Variants in IGF1R observed in about 807,000 individuals in gnomAD.
IGF1R encodes insulin-like growth factor 1 receptor.
Under a neutral mutation model 144.6 loss-of-function variants are expected in IGF1R, and 44 were observed. That is an observed-to-expected ratio of 0.30 (90% CI 0.24 to 0.39). The LOEUF is 0.39. Among genes scored for constraint, IGF1R ranks in the 10% least tolerant of loss-of-function variants. The pLI is 1.00. For synonymous variants in IGF1R, 795 were observed against 722.8 expected, an observed-to-expected ratio of 1.10 and a Z score of -1.60; for missense variants, 1,355 against 1,833.7, an observed-to-expected ratio of 0.74 and a Z score of 4.77.
At chr15:98,896,704 A>G (rs2014215137) in intron 3 of IGF1R, 53 bp from the exon 4 acceptor site, 20 of 1,575,660 alleles carry the variant, frequency 1.3e-5, no homozygotes, top group Non-Finnish European at 8.7e-7. Flanking sequence ...TTTTAATGCA[A>G]GAAGACAGAC....
At chr15:98,841,189 A>G (rs2141531150) in intron 2 of IGF1R, among the ~76,000 whole-genome samples, 1 of 152,350 alleles carries the variant, frequency 6.6e-6, no homozygotes, top group South Asian at 2.1e-4. Flanking sequence ...TGTGGTTGAT[A>G]GAAATCAGTA....
Position 98,963,115 on chromosome 15 carries a change from CAG to C in IGF1R, c.*5675_*5676del, listed in dbSNP as rs1326812815. On this transcript the variant is annotated 3_prime_UTR_variant, in exon 21 of 21. Transcript: ENST00000650285. The stretch of plus-strand genomic sequence containing the variant: ...ATGTTTCATTGCATTTTTGTAAGAA[CAG>C]AATAATTTTATAAAATGTTTGTAGT... 2 of 232,246 alleles carry C rather than the reference CAG, an allele frequency of 8.6e-6. No homozygotes were observed. The highest frequency in any genetic ancestry group is 1.7e-5 in the Non-Finnish European group (2 of 117,596). The allele number at this position is 232,246 out of a possible 1,614,324, so 14.4% of individuals were successfully genotyped here.
chr15:98,792,761 A>G (rs770337536), intron 2 of IGF1R, among the ~76,000 whole-genome samples: 3 of 152,036 alleles, frequency 2.0e-5, no homozygotes, highest in Non-Finnish European at 4.4e-5. Flanking sequence ...TGGAAAAGTG[A>G]GCTTTTGTTT....
chr15:98,853,017 A>G (rs2011605508), intron 2 of IGF1R, among the ~76,000 whole-genome samples: 1 of 152,118 alleles, frequency 6.6e-6, no homozygotes. Flanking sequence ...AATTGCTTGG[A>G]TGGGCAGATC....
At position 98,796,727 on chromosome 15, in the gene IGF1R, A is replaced by G. The variant is rs185598526; in HGVS notation, c.640+88620A>G. On this transcript the variant is annotated intron_variant, in intron 2 of 20. Transcript: ENST00000650285. The stretch of plus-strand genomic sequence containing the variant: ...TTGTGTCTATTGAATGTATTCTTAT[A>G]CATACACACAGGCATGCACACACGG... Among the ~76,000 whole-genome samples, 38 of 152,350 alleles carry G rather than the reference A, an allele frequency of 2.5e-4. 1 individual carries two copies. Among genetic ancestry groups the G allele is most frequent in the African/African-American group, 9.1e-4 (38 of 41,576 alleles).
intron 2 of IGF1R, among the ~76,000 whole-genome samples, chr15:98,835,032 G>A (rs2057068834): frequency 6.6e-6 from 1 of 151,392 alleles, no homozygotes; most frequent in Non-Finnish European, 1.5e-5. Flanking sequence ...TCCTTTGTCA[G>A]TAGTAACTTA....
At chr15:98,867,255 A>G (rs924453216) in intron 2 of IGF1R, among the ~76,000 whole-genome samples, 6 of 152,184 alleles carry the variant, frequency 3.9e-5, no homozygotes, top group African/African-American at 1.4e-4. Context: ...AACAAAAGCC[A>G]CTTTCTGAAC....
At chr15:98,865,031 T>C (rs1350647925) in intron 2 of IGF1R, among the ~76,000 whole-genome samples, 1 of 152,120 alleles carries the variant, frequency 6.6e-6, no homozygotes, top group Non-Finnish European at 1.5e-5. Flanking sequence ...TTGGGAGATG[T>C]GAAGAAAAGA....
At chr15:98,708,247 G>T in intron 2 of IGF1R, 140 bp downstream of exon 2, 1 of 772,488 alleles carries the variant, frequency 1.3e-6, no homozygotes, top group Non-Finnish European at 2.2e-6. Context: ...CATGCCTGCT[G>T]TGCGGAAGTG....
At chr15:98,653,293 T>C (rs942486786) in intron 1 of IGF1R, among the ~76,000 whole-genome samples, 1 of 152,316 alleles carries the variant, frequency 6.6e-6, no homozygotes, top group Non-Finnish European at 1.5e-5. Context: ...GGATAGAGTT[T>C]AGGAGCTGAG....
At chr15:98,873,725 C>T (rs909829254) in intron 2 of IGF1R, 2 of 152,184 alleles carry the variant, frequency 1.3e-5, no homozygotes, top group African/African-American at 4.8e-5. Flanking sequence ...TTGCAATATG[C>T]AATATCTTTC....
intron 2 of IGF1R, among the ~76,000 whole-genome samples, chr15:98,812,955 T>C (rs2056622492): frequency 6.6e-6 from 1 of 152,206 alleles, no homozygotes; most frequent in Non-Finnish European, 1.5e-5. Context: ...TCCTGTCTCT[T>C]AGGCTGTTCC....
At chr15:98,726,584 G>C (rs943628804) in intron 2 of IGF1R, among the ~76,000 whole-genome samples, 2 of 152,104 alleles carry the variant, frequency 1.3e-5, no homozygotes, top group Non-Finnish European at 2.9e-5. Context: ...ATGAAAATCA[G>C]AGTGACATAG....
rs1889851023 is a variant in IGF1R, at chr15:98,958,435, G to A, written c.*993G>A. ...TCCCCCGCCCGCCCCCAAGGACACA[G>A]ATGGGAAGGGGTTTCCAGGGACTCA... On this transcript the variant is annotated 3_prime_UTR_variant, in exon 21 of 21. Transcript: ENST00000650285. 6.0e-6 allele frequency: 1 copy of A among 167,908 alleles called. No individual in the cohort carries two copies. 10.4% of individuals were successfully genotyped at this position (167,908 alleles called of 1,614,324 possible).
intron 2 of IGF1R, among the ~76,000 whole-genome samples, chr15:98,855,150 A>G (rs78737073): frequency 0.024 from 3,610 of 152,192 alleles, 55 homozygotes; most frequent in Non-Finnish European, 0.038. Context: ...TCCCACAGTC[A>G]TCTTTTCCTC....
intron 5 of IGF1R, among the ~76,000 whole-genome samples, chr15:98,907,790 A>C (rs933744044): frequency 2.0e-5 from 3 of 152,136 alleles, no homozygotes; most frequent in Admixed American, 1.3e-4. Context: ...TCGTGTGCAC[A>C]CCCTCTGGGG....
intron 2 of IGF1R, among the ~76,000 whole-genome samples, chr15:98,813,388 A>T (rs193187861): frequency 1.3e-5 from 2 of 152,304 alleles, no homozygotes; most frequent in East Asian, 3.9e-4. Flanking sequence ...GATACCAGGC[A>T]AGAGACAGCC....
intron 8 of IGF1R, among the ~76,000 whole-genome samples, chr15:98,915,087 G>T (rs1270845307): frequency 6.6e-6 from 1 of 152,188 alleles, no homozygotes; most frequent in Admixed American, 6.5e-5. Context: ...GTGATATCCA[G>T]TGAAGGTGTC....
chr15:98,803,099 T>A (rs1372328524), intron 2 of IGF1R, among the ~76,000 whole-genome samples: 1 of 152,172 alleles, frequency 6.6e-6, no homozygotes, highest in Non-Finnish European at 1.5e-5. Flanking sequence ...GACAGGGATA[T>A]GTTCTGAGAA....
Sources: gnomAD v4.1 joint callset for allele counts (sites outside exome capture counted in the v4.1 genomes callset) on GRCh38, gnomAD v4.1.1 for gene constraint, MANE v1.5 for transcripts, NCBI Gene and HGNC (gene_info 2026-07-23, HGNC 2026-07-21) for gene names.